Variants in ZKSCAN7 observed in about 807,000 individuals in gnomAD.
ZKSCAN7 encodes zinc finger with KRAB and SCAN domains 7.
A neutral mutation model predicts 65.3 loss-of-function variants in ZKSCAN7; 38 were observed. The observed-to-expected ratio is 0.58, with a 90% CI of 0.45 to 0.76. The LOEUF is 0.76. Ranked by LOEUF, ZKSCAN7 falls within the 30% of genes least tolerant of loss-of-function variation. ZKSCAN7 has a pLI of 0.00. For synonymous variants in ZKSCAN7, 321 were observed against 321.0 expected (o/e 1.00, Z 0.00); for missense variants, 815 against 913.3 (o/e 0.89, Z 1.39).
Position 44,567,952 on chromosome 3 carries a change from G to A in ZKSCAN7, c.633G>A (p.Gly211=). ...TSPVPTLPQV[G]NSGDQAGATV... is the part of the protein sequence containing the mutation. ...CAGTTCCTACCCTTCCTCAAGTGGG[G>A]AACTCAGGAGACCAAGCAGGGGCAA... Residue 211 remains glycine (G), a synonymous_variant, in exon 4 of 6, where the codon GGG becomes GGA. Transcript: ENST00000426540. 2.2e-6 allele frequency: 3 copies of A among 1,334,544 alleles called. No individual in the cohort carries two copies. Among genetic ancestry groups the A allele is most frequent in the Non-Finnish European group, 3.1e-6 (3 of 964,404 alleles). The allele number at this position is 1,334,544 out of a possible 1,614,324, so 82.7% of individuals were successfully genotyped here.
chr3:44,562,455 T>C (rs1699502634), intron 2 of ZKSCAN7, among the ~76,000 whole-genome samples: 1 of 152,252 alleles, frequency 6.6e-6, no homozygotes, highest in Non-Finnish European at 1.5e-5. Context: ...TGTTGGCTAT[T>C]AAAATTTGGC....
Position 44,557,014 on chromosome 3 carries a change from C to T in ZKSCAN7, c.-34C>T. 1 of 1,613,210 alleles carries T rather than the reference C, an allele frequency of 6.2e-7. No homozygotes were observed. Among genetic ancestry groups the T allele is most frequent in the African/African-American group, 1.3e-5 (1 of 74,908 alleles). Reference sequence around the variant, plus strand: ...TTGACCATCATTTTAATCGGACCAACTGCAGCTGTAACAAGCTTCTCTTTG... The same window carrying T: ...TTGACCATCATTTTAATCGGACCAATTGCAGCTGTAACAAGCTTCTCTTTG... On this transcript the variant is annotated 5_prime_UTR_variant, in exon 2 of 6. Transcript: ENST00000426540.
In ZKSCAN7 at chr3:44,557,336, C is replaced by T. The variant is rs780014234; in HGVS notation, c.289C>T (p.Leu97=). Residue 97 remains leucine (L), a synonymous_variant, in exon 2 of 6, where the codon CTG becomes TTG. Coordinates refer to ENST00000426540, the MANE Select transcript of ZKSCAN7 (RefSeq NM_001288590.2). ...VHTKEQILEL[L]VLEQFLSILP... ...CACCAAGGAGCAGATCCTGGAGCTG[C>T]TGGTGCTTGAGCAGTTCCTGAGCAT... 3 of 1,614,272 alleles carry T rather than the reference C, an allele frequency of 1.9e-6. No homozygotes were observed. Among genetic ancestry groups the T allele is most frequent in the Non-Finnish European group, 2.5e-6 (3 of 1,180,052 alleles).
At chr3:44,578,395 C>T in intron 5 of ZKSCAN7, 9 of 1,613,970 alleles carry the variant, frequency 5.6e-6, no homozygotes, top group Non-Finnish European at 7.6e-6. Flanking sequence ...CGTCCCCAGT[C>T]AGCAGCGTCC....
In ZKSCAN7 at chr3:44,571,999, A is replaced by G; in HGVS notation, c.*624A>G. The G allele has an allele frequency of 3.0e-6, 3 of 986,278 alleles. No individual in the cohort carries two copies. Among genetic ancestry groups the G allele is most frequent in the Non-Finnish European group, 3.6e-6 (3 of 830,506 alleles). 61.1% of individuals were successfully genotyped at this position (986,278 alleles called of 1,614,324 possible). On this transcript the variant is annotated 3_prime_UTR_variant, in exon 6 of 6. Coordinates refer to ENST00000426540, the MANE Select transcript of ZKSCAN7 (RefSeq NM_001288590.2). ...TCAGTGCTTTGAATTCACTGGTGCT[A>G]CAATATGTAACTGTGGTTAATTGCC...
chr3:44,571,459 C>T lies in ZKSCAN7; in HGVS notation c.*84C>T. The T allele has an allele frequency of 1.3e-6, 2 of 1,599,972 alleles. No individual in the cohort carries two copies. Among genetic ancestry groups the T allele is most frequent in the Non-Finnish European group, 1.7e-6 (2 of 1,179,350 alleles). On this transcript the variant is annotated 3_prime_UTR_variant, in exon 6 of 6. Coordinates refer to ENST00000426540, the MANE Select transcript of ZKSCAN7 (RefSeq NM_001288590.2). ...GGATGCTCATAGTGGTTTCCCGGAG[C>T]CAGTAGTCACGGTGGACCATTCCCT...
Position 44,570,274 on chromosome 3 carries a change from T to C in ZKSCAN7, c.1164T>C (p.Cys388=), listed in dbSNP as rs756909798. ...AGAAATCCTATCGATGTGATGAATG[T>C]GGCAAAGCTTTCAATCGGAGTTCTC... ...KGQKSYRCDE[C]GKAFNRSSHL... is the part of the protein sequence containing the mutation. The change falls in exon 6 of 6, where the codon TGT becomes TGC. Residue 388 remains cysteine, a synonymous_variant. Transcript: ENST00000426540. 6 of 1,614,238 alleles carry C rather than the reference T, an allele frequency of 3.7e-6. No homozygotes were observed. Among genetic ancestry groups the C allele is most frequent in the Non-Finnish European group, 5.1e-6 (6 of 1,180,042 alleles).
At position 44,581,253 on chromosome 3, in the gene ZKSCAN7, C is replaced by T. The variant is rs1043869774; in HGVS notation, c.812-1719C>T. On this transcript the variant is annotated intron_variant, in intron 5 of 5. Transcript: ENST00000341840. Reference sequence around the variant, plus strand: ...GCCCGCACCGCCGCCGCCCAGCCGCCGTGGGCCCAAGGACGCGGCCTCGGG... The same window carrying T: ...GCCCGCACCGCCGCCGCCCAGCCGCTGTGGGCCCAAGGACGCGGCCTCGGG... Among the ~76,000 whole-genome samples the T allele has an allele frequency of 4.0e-5, 6 of 148,586 alleles. No individual in the cohort carries two copies. The East Asian group carries it at 5.9e-4, about 14-fold the overall frequency.
intron 5 of ZKSCAN7, 121 bp downstream of exon 5, chr3:44,568,554 T>C (rs78534520): frequency 0.092 from 129,556 of 1,407,414 alleles, 6,742 homozygotes; most frequent in Non-Finnish European, 0.11. Context: ...CTAGAGTGAA[T>C]AATATAGGGA....
At chr3:44,578,385 C>T (rs1235694845) in intron 5 of ZKSCAN7, 19 of 1,613,420 alleles carry the variant, frequency 1.2e-5, no homozygotes, top group Admixed American at 6.7e-5. Flanking sequence ...TCCCCACCGC[C>T]GTCCCCAGTC....
Position 44,570,861 on chromosome 3 carries a change from G to T in ZKSCAN7, c.1751G>T (p.Cys584Phe), listed in dbSNP as rs894052651. The T allele has an allele frequency of 6.2e-7, 1 of 1,614,108 alleles. No homozygotes were observed. Among genetic ancestry groups the T allele is most frequent in the Non-Finnish European group, 8.5e-7 (1 of 1,180,038 alleles). Residue 584 changes from cysteine to phenylalanine, a missense_variant, in exon 6 of 6, where the codon TGT becomes TTT. Cys to Phe is a radical substitution (Grantham distance 205). Around this residue, in one of 3 missense-constraint regions of ZKSCAN7, gnomAD observed 578 missense variants for 629.5 expected, o/e 0.92. Coordinates refer to ENST00000426540, the MANE Select transcript of ZKSCAN7 (RefSeq NM_001288590.2). ...GAAAAGCCATACAAATGTAGTGAAT[G>T]TGGGAAAGCCTTCAATCAGAACTCT... is the stretch of plus-strand genomic sequence containing the variant. Reference protein sequence around the residue: ...TGEKPYKCSECGKAFNQNSQL... With the variant: ...TGEKPYKCSEFGKAFNQNSQL...
intron 2 of ZKSCAN7, among the ~76,000 whole-genome samples, chr3:44,559,302 TCC>T: frequency 6.6e-6 from 1 of 151,680 alleles, no homozygotes; most frequent in East Asian, 1.9e-4. Context: ...AGTTAGTTCT[TCC>T]TAATGAGTTT....
intron 5 of ZKSCAN7, chr3:44,580,393 C>T: frequency 1.2e-6 from 2 of 1,603,130 alleles, no homozygotes; most frequent in East Asian, 4.5e-5. Flanking sequence ...CTGCTGCCAT[C>T]TGGCTGGTCC....
Position 44,571,537 on chromosome 3 carries a change from G to A in ZKSCAN7, c.*162G>A. 2 of 1,520,974 alleles carry A rather than the reference G, an allele frequency of 1.3e-6. No homozygotes were observed. Among genetic ancestry groups the A allele is most frequent in the Non-Finnish European group, 8.8e-7 (1 of 1,139,236 alleles). The allele number at this position is 1,520,974 out of a possible 1,614,324, so 94.2% of individuals were successfully genotyped here. ...GGGAGAGTAGGAGTAACTTATTCCA[G>A]TTCTTACCCATTATTAGGAAGGTAA... On this transcript the variant is annotated 3_prime_UTR_variant, in exon 6 of 6. Transcript: ENST00000426540.
At chr3:44,568,636 T>C (rs1355666167) in intron 5 of ZKSCAN7, among the ~76,000 whole-genome samples, 4 of 152,146 alleles carry the variant, frequency 2.6e-5, no homozygotes, top group African/African-American at 4.8e-5. Context: ...ATTGATATAG[T>C]GTGGTTTAGG....
downstream of ZKSCAN7, among the ~76,000 whole-genome samples, chr3:44,576,138 GT>G (rs1469924104): frequency 6.6e-6 from 1 of 151,858 alleles, no homozygotes; most frequent in African/African-American, 2.4e-5. Context: ...TTCTACTTCT[GT>G]GTAAATTTTT....
intron 5 of ZKSCAN7, chr3:44,580,229 A>G (rs952777786): frequency 3.7e-6 from 6 of 1,612,070 alleles, no homozygotes; most frequent in Non-Finnish European, 8.5e-7. Context: ...TCTTCTCCAG[A>G]GAGAAGTAGC....
At chr3:44,574,154 C>T (rs1699879807), downstream of ZKSCAN7, among the ~76,000 whole-genome samples, 1 of 152,076 alleles carries the variant, frequency 6.6e-6, no homozygotes, top group Non-Finnish European at 1.5e-5. Flanking sequence ...CTTTCTTACC[C>T]AGGCTGGAGT....
In ZKSCAN7 at chr3:44,570,715, T is replaced by G. The variant is rs1304108864; in HGVS notation, c.1605T>G (p.Asn535Lys). The G allele has an allele frequency of 6.2e-7, 1 of 1,614,018 alleles. No individual in the cohort carries two copies. The highest frequency in any genetic ancestry group is 8.5e-7 in the Non-Finnish European group (1 of 1,179,980). The part of the protein sequence containing the change: ...CNECGRAFCS[N>K]RNLIDHQRIH... Reference sequence around the variant, plus strand: ...AGTGTGGGAGAGCATTCTGTTCCAATAGAAATCTCATTGACCATCAGAGAA... The same window carrying G: ...AGTGTGGGAGAGCATTCTGTTCCAAGAGAAATCTCATTGACCATCAGAGAA... The change falls in exon 6 of 6, where the codon AAT becomes AAG. Residue 535 changes from asparagine (N) to lysine (K), a missense_variant. By Grantham distance (94) the Asn-to-Lys change is moderately conservative (BLOSUM62 0). Around this residue, in one of 3 missense-constraint regions of ZKSCAN7, gnomAD observed 578 missense variants for 629.5 expected, o/e 0.92. Coordinates refer to ENST00000426540, the MANE Select transcript of ZKSCAN7 (RefSeq NM_001288590.2).
Sources: allele counts gnomAD v4.1 joint callset (sites outside exome capture counted in the v4.1 genomes callset), GRCh38; gene constraint gnomAD v4.1.1; regional missense constraint gnomAD v4.1.1; transcripts MANE v1.5; gene names NCBI Gene and HGNC (gene_info 2026-07-23, HGNC 2026-07-21).